ARL5A: variants seen among roughly 807,000 people sequenced by gnomAD.
The protein encoded by ARL5A is ARF like GTPase 5A.
A neutral mutation model predicts 25.9 loss-of-function variants in ARL5A; 18 were observed. That is an observed-to-expected ratio of 0.69 (90% CI 0.48 to 1.03). ARL5A has a LOEUF of 1.03. Ranked by LOEUF, ARL5A falls within the 50% of genes least tolerant of loss-of-function variation. The pLI is 0.00. For synonymous variants in ARL5A, 61 were observed against 67.5 expected (o/e 0.90, Z 0.47); for missense variants, 170 against 211.9 (o/e 0.80, Z 1.23).
chr2:151,817,846 A>G (rs2099831725), intron 1 of ARL5A, among the ~76,000 whole-genome samples: 2 of 152,210 alleles, frequency 1.3e-5, no homozygotes, highest in African/African-American at 4.8e-5. Context: ...TCTCTACTAA[A>G]AATACAAAAT....
At chr2:151,817,477 G>T (rs191422992) in intron 1 of ARL5A, among the ~76,000 whole-genome samples, 171 of 152,248 alleles carry the variant, frequency 1.1e-3, no homozygotes, top group Admixed American at 1.4e-3. Context: ...TAATTCAAAT[G>T]GTAGATGTTT....
In ARL5A at chr2:151,815,182, C is replaced by T. The variant is rs1308335084; in HGVS notation, c.64G>A (p.Val22Ile). Reference protein sequence around the residue: ...FNHQEHKVIIVGLDNAGKTTI... With the variant: ...FNHQEHKVIIIGLDNAGKTTI... ...GTTTTCCCTGCATTATCCAGCCCAACAATGATAACTTTGTGCTCTGAAATA... is the reference window on the plus strand; with the variant it reads ...GTTTTCCCTGCATTATCCAGCCCAATAATGATAACTTTGTGCTCTGAAATA... The change falls in exon 2 of 6, where the codon GTT (valine) becomes ATT (isoleucine). Residue 22 changes from valine to isoleucine, a missense_variant. By Grantham distance (29) the Val-to-Ile change is conservative. Transcript: ENST00000295087. 4.5e-5 allele frequency: 72 copies of T among 1,605,316 alleles called. No homozygotes were observed. Among genetic ancestry groups the T allele is most frequent in the Non-Finnish European group, 5.9e-5 (69 of 1,176,278 alleles).
At chr2:151,816,136 C>T (rs2099831469) in intron 1 of ARL5A, among the ~76,000 whole-genome samples, 1 of 152,204 alleles carries the variant, frequency 6.6e-6, no homozygotes, top group Admixed American at 6.5e-5. Context: ...TGCTGCCTGG[C>T]TGTCTTGGAC....
In ARL5A at chr2:151,808,234, GT is replaced by G. The variant is rs565701974; in HGVS notation, c.340-1263del. Reference sequence around the variant, plus strand: ...ACATATTAAGAGATATAAAATTAAGGTTTTGGTGCCACACTTGCAAGTTTTC... The same window carrying G: ...ACATATTAAGAGATATAAAATTAAGGTTTGGTGCCACACTTGCAAGTTTTC... On this transcript the variant is annotated intron_variant, in intron 4 of 5. Transcript: ENST00000295087. Among the ~76,000 whole-genome samples, 24 of 152,238 alleles carry G rather than the reference GT, an allele frequency of 1.6e-4. 1 individual carries two copies. In the South Asian group the frequency reaches 3.9e-3, roughly 25 times the overall value.
At chr2:151,816,623 G>C (rs1235847659) in intron 1 of ARL5A, among the ~76,000 whole-genome samples, 5 of 152,014 alleles carry the variant, frequency 3.3e-5, no homozygotes, top group Non-Finnish European at 7.4e-5. Flanking sequence ...TATCACTCAG[G>C]GTTGTTTAAC....
rs1330757239 is a variant in ARL5A at position 151,800,065 on chromosome 2, A to C, written c.*3211T>G. On this transcript the variant is annotated 3_prime_UTR_variant, in exon 6 of 6. Coordinates refer to ENST00000295087, the MANE Select transcript of ARL5A (RefSeq NM_012097.4). ...CATACAACTGGGCAGTTGAGAGAAG[A>C]CTGGAGTTTGGAGATAACCGATGAT... The C allele has an allele frequency of 1.3e-5, 2 of 152,192 alleles. No homozygotes were observed. 9.4% of individuals were successfully genotyped at this position (152,192 alleles called of 1,614,324 possible).
At position 151,828,121 on chromosome 2, in the gene ARL5A, A is replaced by G. The variant is rs1328508547; in HGVS notation, c.46+10T>C. The G allele has an allele frequency of 1.2e-6, 2 of 1,609,136 alleles. No individual in the cohort carries two copies. The highest frequency in any genetic ancestry group is 1.3e-5 in the African/African-American group (1 of 74,386). On this transcript the variant is annotated intron_variant, in intron 1 of 5. Transcript: ENST00000295087. ...CCCCAACCCGTACGCCCGCGGACCG[A>G]GCTCCTCACCCTGGTGATTGAACAG...
At chr2:151,815,283 C>A in intron 1 of ARL5A, 84 bp from the exon 2 acceptor site, 1 of 1,098,500 alleles carries the variant, frequency 9.1e-7, no homozygotes, top group Non-Finnish European at 1.3e-6. Flanking sequence ...CTCTGTATCT[C>A]ACCCTTCTAT....
chr2:151,811,467 G>T (rs2099830831), intron 4 of ARL5A, among the ~76,000 whole-genome samples: 1 of 151,824 alleles, frequency 6.6e-6, no homozygotes, highest in Admixed American at 6.6e-5. Context: ...TAATGTTATA[G>T]TTATCAAGTT....
chr2:151,819,333 T>G (rs2099831937), intron 1 of ARL5A, among the ~76,000 whole-genome samples: 1 of 152,204 alleles, frequency 6.6e-6, no homozygotes, highest in Non-Finnish European at 1.5e-5. Context: ...GGTACACCAT[T>G]TTGAATATTG....
In ARL5A at chr2:151,802,168, G is replaced by T. The variant is rs2099829513; in HGVS notation, c.*1108C>A. On this transcript the variant is annotated 3_prime_UTR_variant, in exon 6 of 6. Transcript: ENST00000295087. ...CAAGTACCAAAATAAGAAGAAATTTGCAAATTAAGAAATTATCAATGTTGC... is the reference window on the plus strand; with the variant it reads ...CAAGTACCAAAATAAGAAGAAATTTTCAAATTAAGAAATTATCAATGTTGC... 6.6e-6 allele frequency: 1 copy of T among 151,998 alleles called. No homozygotes were observed. Among genetic ancestry groups the T allele is most frequent in the Admixed American group, 6.6e-5 (1 of 15,266 alleles). 9.4% of individuals were successfully genotyped at this position (151,998 alleles called of 1,614,324 possible). A position where few individuals can be genotyped will look rare whatever the true frequency, so the allele number is the denominator to read the frequency against.
intron 1 of ARL5A, among the ~76,000 whole-genome samples, chr2:151,817,300 C>A (rs944711418): frequency 6.6e-6 from 1 of 152,218 alleles, no homozygotes; most frequent in Non-Finnish European, 1.5e-5. Context: ...CTAATCTCCG[C>A]TTAATGAGGC....
At chr2:151,807,964 C>T (rs1208041286) in intron 4 of ARL5A, among the ~76,000 whole-genome samples, 1 of 152,154 alleles carries the variant, frequency 6.6e-6, no homozygotes, top group Non-Finnish European at 1.5e-5. Flanking sequence ...AGTTCTTAGT[C>T]TCTTCCTGCC....
At chr2:151,818,964 G>A (rs1226995667) in intron 1 of ARL5A, among the ~76,000 whole-genome samples, 1 of 151,856 alleles carries the variant, frequency 6.6e-6, no homozygotes, top group African/African-American at 2.4e-5. Context: ...ATTAGCTACG[G>A]GGCAGAATTT....
In ARL5A at chr2:151,801,161, T is replaced by C. The variant is rs1290559111; in HGVS notation, c.*2115A>G. The C allele has an allele frequency of 6.6e-6, 1 of 152,662 alleles. No individual in the cohort carries two copies. Among genetic ancestry groups the C allele is most frequent in the African/African-American group, 2.4e-5 (1 of 41,462 alleles). The allele number at this position is 152,662 out of a possible 1,614,324, so 9.5% of individuals were successfully genotyped here. A position where few individuals can be genotyped will look rare whatever the true frequency, so the allele number is the denominator to read the frequency against. ...AGAAAACAAAATCATGTTTTATAAA[T>C]GTGGTATAAAATTACACATCTTCTC... On this transcript the variant is annotated 3_prime_UTR_variant, in exon 6 of 6. Coordinates refer to ENST00000295087, the MANE Select transcript of ARL5A (RefSeq NM_012097.4).
At chr2:151,825,318 T>C (rs1337162879) in intron 1 of ARL5A, among the ~76,000 whole-genome samples, 4 of 152,178 alleles carry the variant, frequency 2.6e-5, no homozygotes, top group Non-Finnish European at 5.9e-5. Context: ...GGAAAAATGA[T>C]GTCAATCTCT....
Position 151,810,096 on chromosome 2 carries a change from CAAA to C in ARL5A, c.339+2258_339+2260del, listed in dbSNP as rs886614024. Among the ~76,000 whole-genome samples, 20 of 151,746 alleles carry C rather than the reference CAAA, an allele frequency of 1.3e-4. No individual in the cohort carries two copies. In the South Asian group the frequency reaches 2.9e-3, roughly 22 times the overall value. ...AGACTCTGTATCAAAACAACAACAA[CAAA>C]AAAAAAAACTTCATTTGTGAAGGTA... On this transcript the variant is annotated intron_variant, in intron 4 of 5. Coordinates refer to ENST00000295087, the MANE Select transcript of ARL5A (RefSeq NM_012097.4).
chr2:151,825,350 G>A (rs1033314667), intron 1 of ARL5A, among the ~76,000 whole-genome samples: 2 of 152,138 alleles, frequency 1.3e-5, no homozygotes, highest in African/African-American at 4.8e-5. Flanking sequence ...TTCCTTCAGG[G>A]TTTTAACTTG....
At chr2:151,817,253 T>A (rs750732891) in intron 1 of ARL5A, among the ~76,000 whole-genome samples, 3 of 152,224 alleles carry the variant, frequency 2.0e-5, no homozygotes, top group Non-Finnish European at 2.9e-5. Flanking sequence ...CCACACTACC[T>A]CTACTCTAGC....
Sources: gnomAD v4.1 joint callset for allele counts (sites outside exome capture counted in the v4.1 genomes callset) on GRCh38, gnomAD v4.1.1 for gene constraint, MANE v1.5 for transcripts, NCBI Gene and HGNC (gene_info 2026-07-23, HGNC 2026-07-21) for gene names.